CNTN4: variants seen among roughly 807,000 people sequenced by gnomAD.
CNTN4 encodes contactin-4.
CNTN4 carries 77 observed loss-of-function variants against 122.5 expected under a neutral mutation model. The ratio of observed to expected loss-of-function variants is 0.63; its 90% CI spans 0.52 to 0.76. The LOEUF is 0.76. Among genes scored for constraint, CNTN4 ranks in the 30% least tolerant of loss-of-function variants. The probability of loss-of-function intolerance (pLI) is 0.00; values close to 1 mark genes in which losing one functional copy is unlikely to be tolerated. For synonymous variants in CNTN4, 512 were observed against 447.0 expected (o/e 1.15, Z -1.83); for missense variants, 1,256 against 1,259.1 (o/e 1.00, Z 0.04).
chr3:2,848,877 T>TA (rs2093499854), intron 7 of CNTN4, among the ~76,000 whole-genome samples: 1 of 152,084 alleles, frequency 6.6e-6, no homozygotes, highest in African/African-American at 2.4e-5. Context: ...CCAGACGACA[T>TA]AGGTCTATTC....
At chr3:2,785,111 GCGTA>G (rs1295363982) in intron 6 of CNTN4, among the ~76,000 whole-genome samples, 2 of 128,124 alleles carry the variant, frequency 1.6e-5, no homozygotes, top group Admixed American at 8.3e-5. Flanking sequence ...ATTTGTACAT[GCGTA>G]CACACACACA....
chr3:2,136,385 AAAAGAT>A (rs2034693281), intron 2 of CNTN4, among the ~76,000 whole-genome samples: 1 of 152,218 alleles, frequency 6.6e-6, no homozygotes, highest in Non-Finnish European at 1.5e-5. Flanking sequence ...ACAAATTACT[AAAAGAT>A]ACACTGAATT....
intron 4 of CNTN4, among the ~76,000 whole-genome samples, chr3:2,632,753 C>G (rs1480168725): frequency 1.3e-5 from 2 of 152,088 alleles, no homozygotes; most frequent in Admixed American, 6.5e-5. Context: ...TAATAATTCT[C>G]ATGACACTGC....
intron 2 of CNTN4, among the ~76,000 whole-genome samples, chr3:2,294,775 C>A (rs1204891047): frequency 6.6e-6 from 1 of 152,122 alleles, no homozygotes; most frequent in African/African-American, 2.4e-5. Context: ...GTGCTGCACC[C>A]ATTAACTCGT....
chr3:2,577,481 A>G (rs1264736551), intron 4 of CNTN4, among the ~76,000 whole-genome samples: 1 of 152,142 alleles, frequency 6.6e-6, no homozygotes, highest in African/African-American at 2.4e-5. Context: ...TTTATTATTA[A>G]CCAGATGTTG....
chr3:2,997,883 G>A (rs1695669656), intron 14 of CNTN4, among the ~76,000 whole-genome samples: 1 of 152,194 alleles, frequency 6.6e-6, no homozygotes, highest in Non-Finnish European at 1.5e-5. Context: ...ATAATTAAGT[G>A]AAGATTAGCA....
intron 3 of CNTN4, among the ~76,000 whole-genome samples, chr3:2,434,468 C>G (rs1056144984): frequency 6.6e-6 from 1 of 152,176 alleles, no homozygotes; most frequent in African/African-American, 2.4e-5. Flanking sequence ...AATGGAGAAG[C>G]ATAGCTTCAG....
At chr3:2,798,094 T>G (rs1447525866) in intron 6 of CNTN4, among the ~76,000 whole-genome samples, 1 of 143,224 alleles carries the variant, frequency 7.0e-6, no homozygotes, top group African/African-American at 2.6e-5. Flanking sequence ...CTTTCAACTC[T>G]CCAGTGTCTA....
chr3:2,123,861 A>C (rs1158782418), intron 2 of CNTN4, among the ~76,000 whole-genome samples: 5 of 152,208 alleles, frequency 3.3e-5, no homozygotes, highest in Non-Finnish European at 7.3e-5. Context: ...TCTCTAAGTA[A>C]AACTGAAATG....
intron 2 of CNTN4, among the ~76,000 whole-genome samples, chr3:2,326,513 CACACACACACACACAA>C (rs2043466496): frequency 7.1e-6 from 1 of 140,012 alleles, no homozygotes; most frequent in Non-Finnish European, 1.6e-5. Flanking sequence ...CACACACACA[CACACACACACACACAA>C]TCTTACTGAT....
intron 2 of CNTN4, among the ~76,000 whole-genome samples, chr3:2,160,559 G>A (rs1226875878): frequency 3.9e-5 from 6 of 152,080 alleles, no homozygotes; most frequent in South Asian, 2.1e-4. Context: ...CATCAACTGC[G>A]TGACATCTAA....
At chr3:2,257,304 A>C (rs2040637150) in intron 2 of CNTN4, among the ~76,000 whole-genome samples, 1 of 152,238 alleles carries the variant, frequency 6.6e-6, no homozygotes, top group South Asian at 2.1e-4. Context: ...TGGATTAAAC[A>C]CTTAAACCTA....
At chr3:3,037,622 T>C (rs893700827) in intron 18 of CNTN4, 1 of 412,896 alleles carries the variant, frequency 2.4e-6, no homozygotes, top group East Asian at 5.1e-5. Context: ...ACCAAGATTC[T>C]AACAGAATTT....
intron 2 of CNTN4, among the ~76,000 whole-genome samples, chr3:2,113,319 T>C (rs1026085462): frequency 2.6e-5 from 4 of 152,232 alleles, no homozygotes; most frequent in Non-Finnish European, 5.9e-5. Flanking sequence ...GGTCTAGATA[T>C]ACAGTCTAAG....
chr3:3,037,525 T>C, intron 18 of CNTN4, 197 bp downstream of exon 18: 2 of 696,240 alleles, frequency 2.9e-6, no homozygotes, highest in South Asian at 3.3e-5. Flanking sequence ...AAGAGTTGTT[T>C]TCTTCATTAG....
chr3:2,192,443 A>G (rs2037620426), intron 2 of CNTN4, among the ~76,000 whole-genome samples: 2 of 152,180 alleles, frequency 1.3e-5, no homozygotes, highest in Admixed American at 6.6e-5. Flanking sequence ...AATGGGATCT[A>G]ATTAAACTAA....
chr3:2,833,013 T>TA (rs920754820), intron 7 of CNTN4, among the ~76,000 whole-genome samples: 1 of 151,544 alleles, frequency 6.6e-6, no homozygotes, highest in Non-Finnish European at 1.5e-5. Flanking sequence ...TACTTAGTGA[T>TA]AAAAAAAAAT....
intron 2 of CNTN4, among the ~76,000 whole-genome samples, chr3:2,254,544 C>T (rs1015453188): frequency 6.6e-5 from 10 of 151,576 alleles, no homozygotes; most frequent in South Asian, 2.1e-4. Flanking sequence ...ACATCCTCTC[C>T]GGCATTTGTT....
intron 2 of CNTN4, among the ~76,000 whole-genome samples, chr3:2,297,746 C>G (rs2042367072): frequency 6.6e-6 from 1 of 151,896 alleles, no homozygotes; most frequent in South Asian, 2.1e-4. Context: ...TTTGTTTTGT[C>G]TGAGACAGAG....
Sources: gnomAD v4.1 joint callset for allele counts (sites outside exome capture counted in the v4.1 genomes callset) on GRCh38, gnomAD v4.1.1 for gene constraint, MANE v1.5 for transcripts, NCBI Gene and HGNC (gene_info 2026-07-23, HGNC 2026-07-21) for gene names.